The following RNF115 variants were observed in gnomAD, a reference collection of about 807,000 sequenced individuals.
The protein encoded by RNF115 is E3 ubiquitin-protein ligase RNF115.
RNF115 carries 31 observed loss-of-function variants against 39.2 expected under a neutral mutation model. The observed-to-expected ratio is 0.79, with a 90% CI of 0.59 to 1.07. RNF115 has a LOEUF of 1.07. Among genes scored for constraint, RNF115 ranks in the 50% least tolerant of loss-of-function variants. The pLI, the probability that RNF115 is intolerant of heterozygous loss-of-function variation, is 0.00. For missense variants in RNF115, 384 were observed against 381.7 expected, an observed-to-expected ratio of 1.01 and a Z score of -0.05; for synonymous variants, 124 against 131.0, an observed-to-expected ratio of 0.95 and a Z score of 0.37.
intron 1 of RNF115, among the ~76,000 whole-genome samples, chr1:145,814,850 A>C (rs28671675): frequency 6.8e-6 from 1 of 146,984 alleles, no homozygotes; most frequent in African/African-American, 2.5e-5. Flanking sequence ...TTCACTGTAC[A>C]TTCAAATTTC....
At chr1:145,767,975 G>C (rs1647446236) in intron 4 of RNF115, among the ~76,000 whole-genome samples, 1 of 152,168 alleles carries the variant, frequency 6.6e-6, no homozygotes, top group Non-Finnish European at 1.5e-5. Context: ...CATGGCAAGA[G>C]AGGGAGAGGG....
chr1:145,805,610 T>C lies in RNF115; in HGVS notation c.103-16644A>G, dbSNP rs182797983. Reference sequence around the variant, plus strand: ...CATTATAAGATAAAATATGCACTAATAGTTTGTAACTCATAAAGGAGATTA... The same window carrying C: ...CATTATAAGATAAAATATGCACTAACAGTTTGTAACTCATAAAGGAGATTA... On this transcript the variant is annotated intron_variant, in intron 1 of 8. Coordinates refer to ENST00000582693, the MANE Select transcript of RNF115 (RefSeq NM_014455.4). 3.3e-5 allele frequency among the ~76,000 whole-genome samples: 5 copies of C among 152,328 alleles called. No individual in the cohort carries two copies. The East Asian group carries it at 7.7e-4, about 23-fold the overall frequency.
At chr1:145,800,474 G>A (rs1318588711) in intron 1 of RNF115, among the ~76,000 whole-genome samples, 1 of 152,012 alleles carries the variant, frequency 6.6e-6, no homozygotes, top group Non-Finnish European at 1.5e-5. Context: ...TTGAATCTGG[G>A]AGGCCCTGTG....
At chr1:145,782,924 C>T (rs887827341) in intron 3 of RNF115, among the ~76,000 whole-genome samples, 22 of 152,196 alleles carry the variant, frequency 1.4e-4, no homozygotes, top group Admixed American at 5.2e-4. Context: ...TGCAGTAGTG[C>T]GATCTCGACT....
chr1:145,800,002 T>A (rs1392125234), intron 1 of RNF115, among the ~76,000 whole-genome samples: 2 of 152,236 alleles, frequency 1.3e-5, no homozygotes, highest in African/African-American at 4.8e-5. Flanking sequence ...TTTTTCTGCA[T>A]GAATTGAGAT....
rs1247655704 is a variant in RNF115 at position 145,812,159 on chromosome 1, A to G, written c.102+11613T>C. Among the ~76,000 whole-genome samples the G allele has an allele frequency of 2.6e-4, 38 of 147,672 alleles. No homozygotes were observed. The South Asian group carries it at 3.7e-3, about 14-fold the overall frequency. On this transcript the variant is annotated intron_variant, in intron 1 of 8. Coordinates refer to ENST00000582693, the MANE Select transcript of RNF115 (RefSeq NM_014455.4). ...ATTGTTTTTTCTTTTGAGAATGTAA[A>G]TTCTAAGCATGGTGAAAGGTAAGCA...
intron 1 of RNF115, among the ~76,000 whole-genome samples, chr1:145,801,263 C>T (rs587674149): frequency 6.6e-6 from 1 of 152,250 alleles, no homozygotes; most frequent in Admixed American, 6.5e-5. Flanking sequence ...TTATACCATG[C>T]TGATTGAAAA....
intron 1 of RNF115, among the ~76,000 whole-genome samples, chr1:145,802,103 T>A (rs587687644): frequency 3.9e-5 from 6 of 152,248 alleles, no homozygotes; most frequent in East Asian, 3.9e-4. Context: ...ATTTCTATCA[T>A]CCCATCTGTA....
intron 1 of RNF115, among the ~76,000 whole-genome samples, chr1:145,814,215 A>C (rs1553723108): frequency 6.6e-6 from 1 of 151,932 alleles, no homozygotes; most frequent in Non-Finnish European, 1.5e-5. Context: ...AGCCGTGATC[A>C]TGCCACTGCA....
rs587646130 is a variant in RNF115, at chr1:145,755,976, G to A, written c.429-2927C>T. On this transcript the variant is annotated intron_variant, in intron 4 of 8. Coordinates refer to ENST00000582693, the MANE Select transcript of RNF115 (RefSeq NM_014455.4). ...TTGCTGCTTACTTTAAAATGCAAAA[G>A]AGGGATGAATTAAAGGAAGAACAGT... is the stretch of plus-strand genomic sequence containing the variant. 3.3e-5 allele frequency among the ~76,000 whole-genome samples: 5 copies of A among 152,256 alleles called. No individual in the cohort carries two copies. The South Asian group carries it at 1.0e-3, about 32-fold the overall frequency.
At chr1:145,796,333 G>A (rs1030851709) in intron 1 of RNF115, among the ~76,000 whole-genome samples, 6 of 152,018 alleles carry the variant, frequency 3.9e-5, no homozygotes, top group African/African-American at 1.5e-4. Flanking sequence ...TTGTTTATAA[G>A]TTGATAATTG....
rs1323188931 is a variant in RNF115 at position 145,797,356 on chromosome 1, G to A, written c.103-8390C>T. ...TCTGTGCAGCAAGCAGCATAACCTA[G>A]AACACATCCCTGGTGTTTCAGTAAT... On this transcript the variant is annotated intron_variant, in intron 1 of 8. Transcript: ENST00000582693. Among the ~76,000 whole-genome samples, 3 of 152,164 alleles carry A rather than the reference G, an allele frequency of 2.0e-5. No individual in the cohort carries two copies. In the East Asian group the frequency reaches 5.8e-4, roughly 29 times the overall value.
chr1:145,791,918 T>A (rs1162649522), intron 1 of RNF115, among the ~76,000 whole-genome samples: 1 of 152,058 alleles, frequency 6.6e-6, no homozygotes, highest in Admixed American at 6.6e-5. Context: ...TTCTTTTTTA[T>A]TTTTTATTTT....
intron 4 of RNF115, among the ~76,000 whole-genome samples, chr1:145,761,851 C>T (rs1356654657): frequency 6.6e-6 from 1 of 152,198 alleles, no homozygotes; most frequent in Non-Finnish European, 1.5e-5. Context: ...CAACACCAGC[C>T]AGTGAAAGCA....
chr1:145,775,843 A>T (rs1342663907), intron 3 of RNF115, among the ~76,000 whole-genome samples: 2 of 151,804 alleles, frequency 1.3e-5, no homozygotes, highest in South Asian at 2.1e-4. Context: ...TAAAAAAATT[A>T]AAAAATTAGC....
At chr1:145,790,371 C>T (rs1198928587) in intron 1 of RNF115, among the ~76,000 whole-genome samples, 1 of 151,270 alleles carries the variant, frequency 6.6e-6, no homozygotes, top group Non-Finnish European at 1.5e-5. Flanking sequence ...AACTCCCGAC[C>T]TCAGGTGATC....
chr1:145,795,397 T>G (rs151125032), intron 1 of RNF115, among the ~76,000 whole-genome samples: 2 of 152,218 alleles, frequency 1.3e-5, no homozygotes, highest in East Asian at 1.9e-4. Context: ...CCAGCTTTTA[T>G]TCCCTTATTT....
At chr1:145,813,657 T>C (rs1374181389) in intron 1 of RNF115, among the ~76,000 whole-genome samples, 1 of 152,186 alleles carries the variant, frequency 6.6e-6, no homozygotes, top group Admixed American at 6.5e-5. Context: ...CCCTAGTTCC[T>C]GTTCTAAACA....
chr1:145,810,877 T>A (rs60535858), intron 1 of RNF115, among the ~76,000 whole-genome samples: 5,696 of 146,912 alleles, frequency 0.039, 379 homozygotes, highest in African/African-American at 0.14. Context: ...TTATTTATTT[T>A]TTTTTTGAGA....
Sources: allele counts gnomAD v4.1 joint callset (sites outside exome capture counted in the v4.1 genomes callset), GRCh38; gene constraint gnomAD v4.1.1; transcripts MANE v1.5; gene names NCBI Gene and HGNC (gene_info 2026-07-23, HGNC 2026-07-21).